MBD5: variants seen among roughly 807,000 people sequenced by gnomAD.
MBD5 encodes methyl-CpG binding domain protein 5, also known as methyl-CpG-binding domain protein 5.
A neutral mutation model predicts 117.3 loss-of-function variants in MBD5; 13 were observed. The observed-to-expected ratio is 0.11, with a 90% CI of 0.07 to 0.18. The LOEUF (loss-of-function observed/expected upper bound fraction) is 0.18, where lower values mean the gene tolerates loss of function less well. MBD5 is among the 10% of genes least tolerant of loss of function. The pLI is 1.00. For missense variants in MBD5, 1,879 were observed against 2,093.8 expected (o/e 0.90, Z 2.00); for synonymous variants, 727 against 766.4 (o/e 0.95, Z 0.85).
chr2:148,400,090 A>C (rs539938492), intron 4 of MBD5, among the ~76,000 whole-genome samples: 2 of 152,208 alleles, frequency 1.3e-5, no homozygotes, highest in African/African-American at 4.8e-5. Flanking sequence ...GTCGATGTTC[A>C]TCAGGGATAT....
chr2:148,124,823 T>C (rs1696852436), intron 1 of MBD5, among the ~76,000 whole-genome samples: 2 of 152,084 alleles, frequency 1.3e-5, no homozygotes, highest in South Asian at 2.1e-4. Flanking sequence ...ATGGAATTTT[T>C]CAGAAAGATT....
At chr2:148,126,337 C>A (rs1696893913) in intron 1 of MBD5, among the ~76,000 whole-genome samples, 1 of 143,816 alleles carries the variant, frequency 7.0e-6, no homozygotes, top group Non-Finnish European at 1.5e-5. Context: ...ACCCAGGAGG[C>A]AGAGTTTGTA....
At chr2:148,437,828 A>G (rs546246677) in intron 4 of MBD5, among the ~76,000 whole-genome samples, 3 of 152,292 alleles carry the variant, frequency 2.0e-5, no homozygotes, top group Admixed American at 6.5e-5. Flanking sequence ...TATGACTGCA[A>G]TCATCTGAAA....
chr2:148,179,423 A>G (rs937294456), intron 2 of MBD5, among the ~76,000 whole-genome samples: 6 of 152,146 alleles, frequency 3.9e-5, no homozygotes, highest in Non-Finnish European at 7.4e-5. Flanking sequence ...ATTTGAAAAA[A>G]TAATTAAACA....
At chr2:148,138,705 A>C (rs1156940718) in intron 1 of MBD5, among the ~76,000 whole-genome samples, 1 of 152,224 alleles carries the variant, frequency 6.6e-6, no homozygotes, top group East Asian at 1.9e-4. Flanking sequence ...GAGATAAAGA[A>C]ATTGAACATA....
At chr2:148,304,660 A>C (rs1574263012) in intron 3 of MBD5, among the ~76,000 whole-genome samples, 1 of 152,324 alleles carries the variant, frequency 6.6e-6, no homozygotes, top group African/African-American at 2.4e-5. Flanking sequence ...CAATAAGGGC[A>C]GTGGGTATCT....
At chr2:148,367,200 C>T (rs1198786079) in intron 4 of MBD5, among the ~76,000 whole-genome samples, 1 of 152,148 alleles carries the variant, frequency 6.6e-6, no homozygotes, top group African/African-American at 2.4e-5. Context: ...TGATCTTTGA[C>T]AAACCTGACA....
At chr2:148,048,449 C>T (rs1694597332) in intron 1 of MBD5, among the ~76,000 whole-genome samples, 1 of 152,072 alleles carries the variant, frequency 6.6e-6, no homozygotes, top group African/African-American at 2.4e-5. Flanking sequence ...TGTTGAAAAT[C>T]AACAATAATA....
chr2:148,424,006 A>T (rs1490010449), intron 4 of MBD5, among the ~76,000 whole-genome samples: 1 of 151,420 alleles, frequency 6.6e-6, no homozygotes, highest in African/African-American at 2.4e-5. Flanking sequence ...GTGAAACCCC[A>T]TCTCTACTAA....
At chr2:148,201,621 C>A (rs530542341) in intron 2 of MBD5, among the ~76,000 whole-genome samples, 1 of 152,044 alleles carries the variant, frequency 6.6e-6, no homozygotes, top group Non-Finnish European at 1.5e-5. Flanking sequence ...TCAGTCGGTC[C>A]GAAGTTCTTG....
rs572032439 is a variant in MBD5 at position 148,381,626 on chromosome 2, T to C, written c.-557+39290T>C. Among the ~76,000 whole-genome samples the C allele has an allele frequency of 1.4e-3, 207 of 152,180 alleles. 1 individual carries two copies. Among genetic ancestry groups the C allele is most frequent in the African/African-American group, 4.5e-3 (188 of 41,516 alleles). ...CAGAGAATGCCACAAAGATACTCCT[T>C]GAGAAGAGCAACTCCAAGACACATA... On this transcript the variant is annotated intron_variant, in intron 4 of 13. Coordinates refer to ENST00000642680, the MANE Select transcript of MBD5 (RefSeq NM_001378120.1).
intron 4 of MBD5, among the ~76,000 whole-genome samples, chr2:148,396,435 G>T (rs534437422): frequency 4.6e-5 from 7 of 151,642 alleles, no homozygotes; most frequent in Admixed American, 2.0e-4. Flanking sequence ...TGATTTCCAT[G>T]AATCTACACT....
At chr2:148,176,325 G>GA (rs1216553592) in intron 1 of MBD5, among the ~76,000 whole-genome samples, 4 of 107,930 alleles carry the variant, frequency 3.7e-5, no homozygotes, top group African/African-American at 7.0e-5. Flanking sequence ...TTTTTTTTCA[G>GA]AAAAAAATCT....
intron 1 of MBD5, among the ~76,000 whole-genome samples, chr2:148,120,964 C>A (rs1696755311): frequency 6.6e-6 from 1 of 152,092 alleles, no homozygotes; most frequent in African/African-American, 2.4e-5. Flanking sequence ...GTTGGATGTG[C>A]TGATTAAGTT....
chr2:148,296,308 GAA>G (rs761333769), intron 3 of MBD5: 92 of 169,804 alleles, frequency 5.4e-4, no homozygotes, highest in Non-Finnish European at 8.2e-4. Flanking sequence ...GTTGCATGCA[GAA>G]AAACTCATTT....
intron 3 of MBD5, among the ~76,000 whole-genome samples, chr2:148,249,879 G>T (rs1264244888): frequency 1.3e-5 from 2 of 152,066 alleles, no homozygotes; most frequent in Admixed American, 1.3e-4. Flanking sequence ...TTGACTGCAG[G>T]CCAGGGATGC....
intron 4 of MBD5, among the ~76,000 whole-genome samples, chr2:148,453,169 G>A (rs554512909): frequency 1.6e-5 from 1 of 62,512 alleles, no homozygotes; most frequent in East Asian, 6.9e-4. Flanking sequence ...ATCAGATAAT[G>A]AAAGTATCAG....
chr2:148,267,099 T>C (rs1251881932), intron 3 of MBD5, among the ~76,000 whole-genome samples: 1 of 152,130 alleles, frequency 6.6e-6, no homozygotes, highest in Non-Finnish European at 1.5e-5. Flanking sequence ...ATGAGGCTAA[T>C]GTTGATTTGG....
intron 4 of MBD5, among the ~76,000 whole-genome samples, chr2:148,391,118 AC>A: frequency 1.3e-5 from 2 of 152,232 alleles, no homozygotes; most frequent in South Asian, 4.1e-4. Flanking sequence ...TCTTTAATAA[AC>A]CTAGTAATAG....
Sources: gnomAD v4.1 joint callset for allele counts (sites outside exome capture counted in the v4.1 genomes callset) on GRCh38, gnomAD v4.1.1 for gene constraint, MANE v1.5 for transcripts, NCBI Gene and HGNC (gene_info 2026-07-23, HGNC 2026-07-21) for gene names.